The following CSMD1 variants were observed in gnomAD, a reference collection of about 807,000 sequenced individuals.
CSMD1 encodes CUB and Sushi multiple domains 1.
Under a neutral mutation model 417.5 loss-of-function variants are expected in CSMD1, and 213 were observed. That is an observed-to-expected ratio of 0.51 (90% CI 0.46 to 0.57). The LOEUF is 0.57. Among genes scored for constraint, CSMD1 ranks in the 20% least tolerant of loss-of-function variants. The pLI, the probability that CSMD1 is intolerant of heterozygous loss-of-function variation, is 0.00. For synonymous variants in CSMD1, 2,862 were observed against 1,736.8 expected, an observed-to-expected ratio of 1.65 and a Z score of -16.11; for missense variants, 6,923 against 4,529.7, an observed-to-expected ratio of 1.53 and a Z score of -15.17.
intron 1 of CSMD1, among the ~76,000 whole-genome samples, chr8:4,718,603 A>G (rs1330412028): frequency 6.6e-6 from 1 of 152,126 alleles, no homozygotes. Context: ...AACATATAGT[A>G]CGATTGAATT....
At chr8:4,499,320 A>G (rs1802133746) in intron 2 of CSMD1, among the ~76,000 whole-genome samples, 1 of 152,210 alleles carries the variant, frequency 6.6e-6, no homozygotes. Flanking sequence ...ATTAAGAACC[A>G]GGGAGATGCC....
At chr8:4,253,983 C>A (rs1263700757) in intron 3 of CSMD1, among the ~76,000 whole-genome samples, 1 of 136,976 alleles carries the variant, frequency 7.3e-6, no homozygotes, top group Non-Finnish European at 1.5e-5. Context: ...GTGGTGCGAT[C>A]TCGGCTCACT....
At chr8:3,589,378 TG>T (rs1554479721) in intron 8 of CSMD1, among the ~76,000 whole-genome samples, 7 of 55,914 alleles carry the variant, frequency 1.3e-4, no homozygotes, top group South Asian at 4.4e-4. Flanking sequence ...AAAGAAAATG[TG>T]GTGTGTGTGT....
intron 3 of CSMD1, among the ~76,000 whole-genome samples, chr8:4,354,909 T>TGTGTGTGTGTGTGTGTG (rs201029099): frequency 3.4e-5 from 5 of 146,818 alleles, no homozygotes; most frequent in Non-Finnish European, 4.5e-5. Flanking sequence ...TGTGTGTGTG[T>TGTGTGTGTGTGTGTGTG]TAAATATTTG....
chr8:3,824,034 C>T (rs967076984), intron 5 of CSMD1, among the ~76,000 whole-genome samples: 2 of 151,944 alleles, frequency 1.3e-5, no homozygotes, highest in Admixed American at 6.6e-5. Flanking sequence ...TTCCCTCTGC[C>T]CAAAAGTCTG....
intron 5 of CSMD1, among the ~76,000 whole-genome samples, chr8:3,771,328 C>G (rs985271037): frequency 6.6e-5 from 10 of 152,118 alleles, no homozygotes; most frequent in Non-Finnish European, 1.0e-4. Flanking sequence ...TCAGGGATAA[C>G]AGACAAAGAA....
intron 7 of CSMD1, among the ~76,000 whole-genome samples, chr8:3,649,428 C>G (rs1245312832): frequency 1.3e-5 from 2 of 152,176 alleles, no homozygotes; most frequent in East Asian, 3.8e-4. Flanking sequence ...CTGCCTGAGA[C>G]TGGGTAATTT....
rs1309458160 is a variant in CSMD1, at chr8:3,075,532, A to C, written c.7474+11565T>G. Among the ~76,000 whole-genome samples the C allele has an allele frequency of 6.6e-5, 10 of 151,504 alleles. No individual in the cohort carries two copies. The East Asian group carries it at 2.0e-3, about 30-fold the overall frequency. On this transcript the variant is annotated intron_variant, in intron 49 of 69. Coordinates refer to ENST00000635120, the MANE Select transcript of CSMD1 (RefSeq NM_033225.6). ...CCAACCTCAGCTGTTCTGTCCACCT[A>C]GGCCTCCCAAAGTGCTGGGATGACA...
intron 1 of CSMD1, among the ~76,000 whole-genome samples, chr8:4,752,618 C>A (rs187775967): frequency 6.6e-6 from 1 of 151,986 alleles, no homozygotes; most frequent in Non-Finnish European, 1.5e-5. Flanking sequence ...TGTAGGGGAG[C>A]AAGAGAGAGG....
intron 1 of CSMD1, among the ~76,000 whole-genome samples, chr8:4,797,151 C>T (rs1358776015): frequency 1.3e-5 from 2 of 152,158 alleles, no homozygotes; most frequent in Non-Finnish European, 2.9e-5. Flanking sequence ...TGAGACAAAC[C>T]CAGGCAGCAG....
intron 12 of CSMD1, among the ~76,000 whole-genome samples, chr8:3,417,569 G>A (rs183726463): frequency 6.6e-6 from 1 of 152,172 alleles, no homozygotes; most frequent in Non-Finnish European, 1.5e-5. Flanking sequence ...GTGTGTTCCA[G>A]GGCTGCCATA....
At chr8:3,302,199 G>A (rs1335697688) in intron 25 of CSMD1, among the ~76,000 whole-genome samples, 2 of 152,194 alleles carry the variant, frequency 1.3e-5, no homozygotes, top group African/African-American at 2.4e-5. Flanking sequence ...GATGAGCTCT[G>A]AGGAGAGATG....
chr8:4,213,464 T>C (rs1800446731), intron 3 of CSMD1, among the ~76,000 whole-genome samples: 1 of 152,234 alleles, frequency 6.6e-6, no homozygotes, highest in Non-Finnish European at 1.5e-5. Flanking sequence ...GTTGCCCGGA[T>C]ACTGGCCAGT....
At chr8:4,835,749 C>A (rs574646139) in intron 1 of CSMD1, among the ~76,000 whole-genome samples, 28 of 151,752 alleles carry the variant, frequency 1.8e-4, no homozygotes, top group African/African-American at 6.5e-4. Context: ...AGGTGGTAGA[C>A]ACCATGCTAG....
chr8:3,654,461 G>A (rs1488310806), intron 7 of CSMD1, among the ~76,000 whole-genome samples: 2 of 152,180 alleles, frequency 1.3e-5, no homozygotes, highest in Non-Finnish European at 2.9e-5. Flanking sequence ...GGTACAGGAA[G>A]AGGGTACACA....
chr8:4,844,120 G>T (rs904399175), intron 1 of CSMD1, among the ~76,000 whole-genome samples: 3 of 152,084 alleles, frequency 2.0e-5, no homozygotes, highest in Non-Finnish European at 4.4e-5. Context: ...AGCTGACACT[G>T]GTTTTGATTT....
chr8:4,283,847 A>G (rs994638490), intron 3 of CSMD1, among the ~76,000 whole-genome samples: 4 of 152,236 alleles, frequency 2.6e-5, no homozygotes, highest in African/African-American at 9.6e-5. Flanking sequence ...AGCATGGCTA[A>G]CAGTTTCATG....
intron 1 of CSMD1, among the ~76,000 whole-genome samples, chr8:4,962,422 G>A (rs1809562751): frequency 6.6e-6 from 1 of 151,952 alleles, no homozygotes; most frequent in South Asian, 2.1e-4. Flanking sequence ...TGTCGCCAAA[G>A]CTGGCCTTGA....
intron 5 of CSMD1, among the ~76,000 whole-genome samples, chr8:3,796,516 T>C (rs903886637): frequency 3.5e-5 from 5 of 144,066 alleles, no homozygotes; most frequent in Non-Finnish European, 7.6e-5. Flanking sequence ...TATATATCTA[T>C]ATATCTATAT....
Sources: gnomAD v4.1 joint callset for allele counts (sites outside exome capture counted in the v4.1 genomes callset) on GRCh38, gnomAD v4.1.1 for gene constraint, MANE v1.5 for transcripts, NCBI Gene and HGNC (gene_info 2026-07-23, HGNC 2026-07-21) for gene names.